XPOT: variants seen among roughly 807,000 people sequenced by gnomAD.
The protein encoded by XPOT is exportin for tRNA.
In XPOT, 34 loss-of-function variants were observed where a neutral mutation model predicts 128.2. The observed-to-expected ratio is 0.27, with a 90% CI of 0.20 to 0.35. The LOEUF is 0.35. XPOT is among the 10% of genes least tolerant of loss of function. The probability of loss-of-function intolerance (pLI) is 1.00; values close to 1 mark genes in which losing one functional copy is unlikely to be tolerated. For missense variants in XPOT, 838 were observed against 1,125.3 expected (o/e 0.74, Z 3.65); for synonymous variants, 348 against 394.3 (o/e 0.88, Z 1.39).
rs370930003 is a variant in XPOT at position 64,408,141 on chromosome 12, G to T, written c.-74-1821G>T. On this transcript the variant is annotated intron_variant, in intron 1 of 24. Coordinates refer to ENST00000332707, the MANE Select transcript of XPOT (RefSeq NM_007235.6). ...TTTGTTTTTTTTGAGACAGAGTCTC[G>T]TTCTGTCACCCAGGCTGGAGTGCAG... Among the ~76,000 whole-genome samples, 14 of 151,878 alleles carry T rather than the reference G, an allele frequency of 9.2e-5. No individual in the cohort carries two copies. In the East Asian group the frequency reaches 2.5e-3, roughly 27 times the overall value.
chr12:64,437,529 CTT>C (rs2040292826), intron 22 of XPOT, among the ~76,000 whole-genome samples: 1 of 152,090 alleles, frequency 6.6e-6, no homozygotes. Flanking sequence ...AAGTTATAGA[CTT>C]AATTCTGTTT....
At chr12:64,431,940 A>C in intron 18 of XPOT, 117 bp downstream of exon 18, 1 of 1,005,244 alleles carries the variant, frequency 9.9e-7, no homozygotes, top group Non-Finnish European at 1.4e-6. Flanking sequence ...GAATTACTTA[A>C]GAGCCTCATG....
intron 2 of XPOT, among the ~76,000 whole-genome samples, chr12:64,411,006 AAAT>A (rs1210718897): frequency 6.6e-6 from 1 of 152,224 alleles, no homozygotes; most frequent in African/African-American, 2.4e-5. Context: ...TTTAAGAAAA[AAAT>A]CTTTTAAAGC....
rs760469330 is a variant in XPOT at position 64,431,718 on chromosome 12, T to G, written c.2157T>G (p.Val719=). ...TGATTATTTGCCTGGAGGAAGAAGT[T>G]CTTCCGTTCATTCCATCTGCTTCAG... ...HRMIICLEEE[V]LPFIPSASEH... Residue 719 remains valine, a synonymous_variant, in exon 18 of 25, where the codon GTT becomes GTG. Coordinates refer to ENST00000332707, the MANE Select transcript of XPOT (RefSeq NM_007235.6). 1 of 1,614,120 alleles carries G rather than the reference T, an allele frequency of 6.2e-7. No homozygotes were observed. The highest frequency in any genetic ancestry group is 1.1e-5 in the South Asian group (1 of 91,088).
chr12:64,414,402 TAA>T (rs1050257530), intron 2 of XPOT, among the ~76,000 whole-genome samples: 11 of 152,200 alleles, frequency 7.2e-5, no homozygotes, highest in African/African-American at 2.4e-4. Flanking sequence ...ATGATATAAT[TAA>T]AGACTTGAAA....
chr12:64,415,086 A>T, intron 3 of XPOT, 97 bp downstream of exon 3: 1 of 785,386 alleles, frequency 1.3e-6, no homozygotes. Context: ...TCATAAAAAC[A>T]TTTTATGACT....
intron 18 of XPOT, 39 bp downstream of exon 18, chr12:64,431,862 A>G: frequency 1.3e-6 from 2 of 1,585,974 alleles, no homozygotes; most frequent in African/African-American, 2.7e-5. Context: ...TCTCTTGAAG[A>G]TCAGATGTAT....
intron 1 of XPOT, among the ~76,000 whole-genome samples, chr12:64,405,489 C>T (rs1483773789): frequency 6.6e-6 from 1 of 152,076 alleles, no homozygotes; most frequent in African/African-American, 2.4e-5. Context: ...AGGAATTTTT[C>T]CAAATTGTTT....
chr12:64,412,011 C>T (rs1246091073), intron 2 of XPOT, among the ~76,000 whole-genome samples: 2 of 143,126 alleles, frequency 1.4e-5, no homozygotes, highest in African/African-American at 5.2e-5. Flanking sequence ...CTTCCTCTCA[C>T]CCCTGCCCCG....
chr12:64,419,195 A>G lies in XPOT; in HGVS notation c.489+101A>G. 3.3e-6 allele frequency: 3 copies of G among 905,676 alleles called. No individual in the cohort carries two copies. In the South Asian group the frequency reaches 6.1e-5, roughly 18 times the overall value. The allele number at this position is 905,676 out of a possible 1,614,324, so 56.1% of individuals were successfully genotyped here. A position where few individuals can be genotyped will look rare whatever the true frequency, so the allele number is the denominator to read the frequency against. On this transcript the variant is annotated intron_variant, in intron 6 of 24. Transcript: ENST00000332707. ...AGGGAAGTTTTCTTTCTTGAGGTAAACTTTCTTAAGTTATATAATTATAAA... is the reference window on the plus strand; with the variant it reads ...AGGGAAGTTTTCTTTCTTGAGGTAAGCTTTCTTAAGTTATATAATTATAAA...
At chr12:64,429,721 A>C (rs1199213714) in intron 16 of XPOT, among the ~76,000 whole-genome samples, 1 of 152,186 alleles carries the variant, frequency 6.6e-6, no homozygotes, top group East Asian at 1.9e-4. Flanking sequence ...GATTACAGGC[A>C]TGAACCACCA....
chr12:64,432,772 GA>G (rs1187823101), intron 18 of XPOT, among the ~76,000 whole-genome samples: 2 of 152,046 alleles, frequency 1.3e-5, no homozygotes, highest in Non-Finnish European at 2.9e-5. Flanking sequence ...TCAAAAACAA[GA>G]AAAACCCTAA....
intron 2 of XPOT, among the ~76,000 whole-genome samples, 162 bp from the exon 3 acceptor site, chr12:64,414,745 A>C (rs1304147427): frequency 6.6e-6 from 1 of 152,220 alleles, no homozygotes; most frequent in Non-Finnish European, 1.5e-5. Flanking sequence ...GAATGACCCC[A>C]AGTTGCATAT....
chr12:64,411,755 C>T (rs79180858), intron 2 of XPOT, among the ~76,000 whole-genome samples: 2,887 of 152,130 alleles, frequency 0.019, 92 homozygotes, highest in African/African-American at 0.066. Flanking sequence ...TCTGCCAACC[C>T]CAATTGCTCA....
At chr12:64,423,456 C>T (rs1027099175) in intron 11 of XPOT, among the ~76,000 whole-genome samples, 6 of 151,966 alleles carry the variant, frequency 3.9e-5, no homozygotes, top group Admixed American at 1.3e-4. Context: ...CACCCCCCCT[C>T]CTTTTTTTTT....
At chr12:64,440,195 A>G (rs2040313785) in intron 23 of XPOT, among the ~76,000 whole-genome samples, 3 of 152,214 alleles carry the variant, frequency 2.0e-5, no homozygotes, top group Non-Finnish European at 4.4e-5. Flanking sequence ...TGACTACTTT[A>G]GATACCTAAT....
intron 5 of XPOT, among the ~76,000 whole-genome samples, chr12:64,418,521 G>T (rs887610832): frequency 6.6e-6 from 1 of 152,020 alleles, no homozygotes; most frequent in African/African-American, 2.4e-5. Flanking sequence ...TGTAGCTAGA[G>T]TTTTCATTTT....
At chr12:64,434,751 C>T (rs936980540) in intron 20 of XPOT, 43 bp from the exon 21 acceptor site, 1 of 1,587,504 alleles carries the variant, frequency 6.3e-7, no homozygotes, top group African/African-American at 1.3e-5. Context: ...AATTAATTGA[C>T]TTACTTTTAT....
At chr12:64,417,564 C>G (rs941110875) in intron 4 of XPOT, among the ~76,000 whole-genome samples, 1 of 151,450 alleles carries the variant, frequency 6.6e-6, no homozygotes, top group Non-Finnish European at 1.5e-5. Context: ...CCAGATATTT[C>G]ACAGAAAAAT....
Sources: allele counts gnomAD v4.1 joint callset (sites outside exome capture counted in the v4.1 genomes callset), GRCh38; gene constraint gnomAD v4.1.1; transcripts MANE v1.5; gene names NCBI Gene and HGNC (gene_info 2026-07-23, HGNC 2026-07-21).